ZNF644: variants seen among roughly 807,000 people sequenced by gnomAD.
ZNF644 encodes the protein zinc finger motif enhancer binding protein 2.
In ZNF644, 20 loss-of-function variants were observed where a neutral mutation model predicts 108.0. The observed-to-expected ratio is 0.19, with a 90% CI of 0.13 to 0.27. The LOEUF (loss-of-function observed/expected upper bound fraction) is 0.27, where lower values mean the gene tolerates loss of function less well. Ranked by LOEUF, ZNF644 falls within the 10% of genes least tolerant of loss-of-function variation. ZNF644 has a pLI of 1.00. For missense variants in ZNF644, 1,338 were observed against 1,548.9 expected (o/e 0.86, Z 2.29); for synonymous variants, 542 against 539.1 (o/e 1.01, Z -0.08).
rs1179423661 is a variant in ZNF644, at chr1:90,941,247, G to A, written c.107C>T (p.Thr36Ile). Residue 36 changes from threonine to isoleucine, a missense_variant, in exon 3 of 6, where the codon ACT (threonine) becomes ATT (isoleucine). Transcript: ENST00000337393. ...ATCTAGGAGTTCTTCTTTAGCACCA[G>A]TAATATCGGTGTTTATCTTCAAATC... The part of the protein sequence containing the change: ...MDDLKINTDI[T>I]GAKEELLDDN... 3 of 1,602,492 alleles carry A rather than the reference G, an allele frequency of 1.9e-6. No homozygotes were observed. Among genetic ancestry groups the A allele is most frequent in the East Asian group, 4.5e-5 (2 of 44,848 alleles).
At chr1:90,933,713 T>A (rs572576222) in intron 4 of ZNF644, among the ~76,000 whole-genome samples, 1 of 152,272 alleles carries the variant, frequency 6.6e-6, no homozygotes, top group East Asian at 1.9e-4. Context: ...TTTAGAATTT[T>A]CCATTGCTTA....
intron 1 of ZNF644, among the ~76,000 whole-genome samples, chr1:90,994,533 G>A (rs573362269): frequency 1.8e-4 from 27 of 152,276 alleles, no homozygotes; most frequent in African/African-American, 6.5e-4. Flanking sequence ...TAAACCAGTA[G>A]GCACAGAGAA....
rs557681768 is a variant in ZNF644, at chr1:90,940,130, T to C, written c.1224A>G (p.Ser408=). 1.2e-6 allele frequency: 2 copies of C among 1,614,118 alleles called. No individual in the cohort carries two copies. The highest frequency in any genetic ancestry group is 1.7e-6 in the Non-Finnish European group (2 of 1,179,980). ...SPATFSTEEP[S]FYPCTKCNVN... ...CATTGCACTTTGTACAGGGGTAGAA[T>C]GATGGCTCTTCGGTACTGAAAGTAG... Residue 408 remains serine, a synonymous_variant, in exon 3 of 6, where the codon TCA becomes TCG. Transcript: ENST00000337393.
intron 2 of ZNF644, among the ~76,000 whole-genome samples, chr1:90,962,820 G>A (rs998895613): frequency 6.6e-6 from 1 of 152,080 alleles, no homozygotes; most frequent in African/African-American, 2.4e-5. Flanking sequence ...TGGTTAGAGA[G>A]GAGGGAACTG....
intron 1 of ZNF644, among the ~76,000 whole-genome samples, chr1:91,004,616 C>A (rs1470626287): frequency 1.3e-5 from 2 of 151,982 alleles, no homozygotes; most frequent in Admixed American, 1.3e-4. Flanking sequence ...GACAGTATAA[C>A]TGTTTTCTCT....
intron 1 of ZNF644, among the ~76,000 whole-genome samples, chr1:90,984,690 G>T (rs1656917092): frequency 6.6e-6 from 1 of 152,186 alleles, no homozygotes; most frequent in Admixed American, 6.5e-5. Flanking sequence ...ACCACGCCCA[G>T]CCTGACTGGT....
chr1:90,938,984 A>G lies in ZNF644; in HGVS notation c.2370T>C (p.His790=). The change falls in exon 3 of 6, where the codon CAT becomes CAC. Residue 790 remains histidine, a synonymous_variant. Coordinates refer to ENST00000337393, the MANE Select transcript of ZNF644 (RefSeq NM_201269.3). This position sits in a 1 kb window ranked among gnomAD's most constrained non-coding sequence, Gnocchi z 4.2. The stretch of plus-strand genomic sequence containing the variant: ...TTTCAGGCCTTTTGGCGTCAGGCTT[A>G]TGAGGGTCTGAAATAAAATTGTTGT... ...NSHNNFISDP[H]KPDAKRPESF... 1 of 1,614,042 alleles carries G rather than the reference A, an allele frequency of 6.2e-7. No individual in the cohort carries two copies.
Position 90,937,874 on chromosome 1 carries a change from C to T in ZNF644, c.3299G>A (p.Arg1100His), listed in dbSNP as rs140271599. The T allele has an allele frequency of 4.0e-3, 6,426 of 1,613,878 alleles. 11 individuals are homozygous for T. The highest frequency in any genetic ancestry group is 4.9e-3 in the Non-Finnish European group (5,744 of 1,179,868). The part of the protein sequence containing the change: ...EKILKALNSR[R>H]IIPRPFVAQK... ...AGCTACAAATGGTCTGGGAATAATA[C>T]GACGACTGTTCAATGCCTTTAAGAT... Residue 1100 changes from arginine (R) to histidine (H), a missense_variant, in exon 4 of 6, where the codon CGT (arginine) becomes CAT (histidine). Arg to His is a conservative substitution (Grantham distance 29). Around this residue, in one of 6 missense-constraint regions of ZNF644, gnomAD observed 287 missense variants for 310.9 expected, o/e 0.92. Transcript: ENST00000337393.
intron 4 of ZNF644, among the ~76,000 whole-genome samples, chr1:90,935,085 T>C (rs1651175228): frequency 6.6e-6 from 1 of 152,022 alleles, no homozygotes; most frequent in African/African-American, 2.4e-5. Context: ...AAGAGAGGTG[T>C]TTTACTGGAA....
chr1:91,015,875 T>C, intron 1 of ZNF644, among the ~76,000 whole-genome samples: 1 of 152,214 alleles, frequency 6.6e-6, no homozygotes, highest in East Asian at 1.9e-4. Context: ...ATTATTACTC[T>C]AACAGGTAAC....
At chr1:90,950,168 C>T (rs1407547049) in intron 2 of ZNF644, among the ~76,000 whole-genome samples, 3 of 149,594 alleles carry the variant, frequency 2.0e-5, no homozygotes, top group Non-Finnish European at 4.4e-5. Flanking sequence ...GTCCCTGCTA[C>T]TCAGGAGGCT....
chr1:90,994,077 T>C (rs1657891762), intron 1 of ZNF644, among the ~76,000 whole-genome samples: 1 of 152,088 alleles, frequency 6.6e-6, no homozygotes, highest in Non-Finnish European at 1.5e-5. Flanking sequence ...TGGGACTAAA[T>C]GGGAGATGTA....
intron 1 of ZNF644, among the ~76,000 whole-genome samples, chr1:91,011,766 G>T (rs76980078): frequency 6.6e-6 from 1 of 151,938 alleles, no homozygotes; most frequent in Admixed American, 6.6e-5. Context: ...TAAAAAAAAA[G>T]TACACCTATT....
chr1:90,930,894 A>G (rs1447633819), intron 4 of ZNF644, among the ~76,000 whole-genome samples: 1 of 152,128 alleles, frequency 6.6e-6, no homozygotes, highest in Admixed American at 6.5e-5. Flanking sequence ...TCTACTCTGT[A>G]TTTCCCTTTC....
Position 90,941,230 on chromosome 1 carries a change from G to C in ZNF644, c.124C>G (p.Leu42Val). 1 of 1,603,794 alleles carries C rather than the reference G, an allele frequency of 6.2e-7. No homozygotes were observed. Among genetic ancestry groups the C allele is most frequent in the East Asian group, 2.2e-5 (1 of 44,838 alleles). Residue 42 changes from leucine (L) to valine (V), a missense_variant, in exon 3 of 6, where the codon CTC (leucine) becomes GTC (valine). Leu to Val is a conservative substitution (Grantham distance 32). This residue lies in a region of ZNF644 where 464 missense variants were observed against 457.9 expected (regional missense o/e 1.01). Coordinates refer to ENST00000337393, the MANE Select transcript of ZNF644 (RefSeq NM_201269.3). ...NTDITGAKEE[L>V]LDDNNFISDK... ...GAGATAAAATTGTTGTCATCTAGGA[G>C]TTCTTCTTTAGCACCAGTAATATCG...
rs867536929 is a variant in ZNF644 at position 90,915,348 on chromosome 1, G to T, written c.*1450C>A. The T allele has an allele frequency of 6.6e-6, 1 of 152,410 alleles. No homozygotes were observed. The highest frequency in any genetic ancestry group is 1.5e-5 in the Non-Finnish European group (1 of 67,984). The allele number at this position is 152,410 out of a possible 1,614,324, so 9.4% of individuals were successfully genotyped here. A position where few individuals can be genotyped will look rare whatever the true frequency, so the allele number is the denominator to read the frequency against. On this transcript the variant is annotated 3_prime_UTR_variant, in exon 6 of 6. Coordinates refer to ENST00000337393, the MANE Select transcript of ZNF644 (RefSeq NM_201269.3). ...TATTTAGAGATTTTTCTGGTAAGGA[G>T]ATATACCATAGGAAAGCAATTTCAC...
chr1:90,979,198 G>A (rs755075744), intron 2 of ZNF644, among the ~76,000 whole-genome samples: 6 of 152,190 alleles, frequency 3.9e-5, no homozygotes, highest in Non-Finnish European at 7.3e-5. Context: ...TAGGCCAGGT[G>A]CAGTGGCTCA....
At chr1:90,986,873 G>A (rs995509484) in intron 1 of ZNF644, among the ~76,000 whole-genome samples, 2 of 151,560 alleles carry the variant, frequency 1.3e-5, no homozygotes, top group African/African-American at 2.4e-5. Context: ...ATAACAGAAG[G>A]AAAACAAGAA....
intron 1 of ZNF644, among the ~76,000 whole-genome samples, chr1:90,992,229 C>T (rs1370715940): frequency 6.6e-6 from 1 of 152,124 alleles, no homozygotes; most frequent in Non-Finnish European, 1.5e-5. Flanking sequence ...TAGGTATATA[C>T]AGACGTCAAA....
Sources: gnomAD v4.1 joint callset for allele counts (sites outside exome capture counted in the v4.1 genomes callset) on GRCh38, gnomAD v4.1.1 for gene constraint, gnomAD v4.1.1 regional missense constraint, Gnocchi (gnomAD v3.1) non-coding constraint, MANE v1.5 for transcripts, NCBI Gene and HGNC (gene_info 2026-07-23, HGNC 2026-07-21) for gene names.